PSD2: variants seen among roughly 807,000 people sequenced by gnomAD.
The protein encoded by PSD2 is PH and SEC7 domain-containing protein 2.
PSD2 carries 38 observed loss-of-function variants against 69.8 expected under a neutral mutation model. The observed-to-expected ratio is 0.54, with a 90% CI of 0.42 to 0.71. PSD2 has a LOEUF of 0.71. Among genes scored for constraint, PSD2 ranks in the 30% least tolerant of loss-of-function variants. The pLI is 0.00. For synonymous variants in PSD2, 412 were observed against 423.0 expected, an observed-to-expected ratio of 0.97 and a Z score of 0.32; for missense variants, 943 against 1,014.5, an observed-to-expected ratio of 0.93 and a Z score of 0.96.
intron 2 of PSD2, among the ~76,000 whole-genome samples, chr5:139,812,647 T>C (rs766749203): frequency 2.0e-5 from 3 of 152,166 alleles, no homozygotes; most frequent in Non-Finnish European, 4.4e-5. Context: ...GCCAGTGTGC[T>C]GTGGGCCTGC....
chr5:139,823,971 T>A (rs779506729), intron 7 of PSD2, among the ~76,000 whole-genome samples: 3 of 152,194 alleles, frequency 2.0e-5, no homozygotes, highest in African/African-American at 7.2e-5. Flanking sequence ...CGACAGCTTT[T>A]GCCAAGTCCA....
At chr5:139,835,552 C>A (rs1760694737) in intron 8 of PSD2, among the ~76,000 whole-genome samples, 171 bp from the exon 9 acceptor site, 1 of 152,222 alleles carries the variant, frequency 6.6e-6, no homozygotes, top group Admixed American at 6.5e-5. Context: ...CCCATCCGTA[C>A]ATCCACCCAC....
At chr5:139,823,067 C>T (rs1760314099) in intron 7 of PSD2, among the ~76,000 whole-genome samples, 2 of 152,130 alleles carry the variant, frequency 1.3e-5, no homozygotes, top group South Asian at 4.1e-4. Flanking sequence ...GATCATGTGC[C>T]CTTTGTGCCC....
chr5:139,795,386 C>G (rs560083184), upstream of PSD2, among the ~76,000 whole-genome samples: 13 of 152,156 alleles, frequency 8.5e-5, no homozygotes, highest in South Asian at 2.5e-3. This position sits in a 1 kb window ranked among gnomAD's most constrained non-coding sequence, Gnocchi z 4.5. Flanking sequence ...CTGAACAGAC[C>G]GCGGGAGGAG....
At position 139,833,707 on chromosome 5, in the gene PSD2, T is replaced by A. The variant is rs1473386827; in HGVS notation, c.1275T>A (p.Ile425=). The change falls in exon 8 of 15, where the codon ATT becomes ATA. Residue 425 remains isoleucine (I), a synonymous_variant. Coordinates refer to ENST00000274710, the MANE Select transcript of PSD2 (RefSeq NM_032289.4). ...LLNTDLHGHN[I]GKKMSCQQFI... is the part of the protein sequence containing the mutation. ...GAACCATTTCTCCATTACAGAACAT[T>A]GGCAAAAAGATGTCCTGTCAGCAAT... The A allele has an allele frequency of 6.2e-7, 1 of 1,613,188 alleles. No homozygotes were observed. Among genetic ancestry groups the A allele is most frequent in the Non-Finnish European group, 8.5e-7 (1 of 1,179,140 alleles).
At chr5:139,805,050 A>ATG (rs112995575) in intron 1 of PSD2, among the ~76,000 whole-genome samples, 57 of 151,124 alleles carry the variant, frequency 3.8e-4, no homozygotes, top group African/African-American at 1.3e-3. Context: ...GTGTGTGCGC[A>ATG]TGTGTGTGTG....
intron 7 of PSD2, among the ~76,000 whole-genome samples, chr5:139,830,345 CTTTTTTTT>C (rs755605094): frequency 8.6e-6 from 1 of 116,578 alleles, no homozygotes; most frequent in Non-Finnish European, 1.8e-5. Context: ...TGATAGTGTT[CTTTTTTTT>C]TTTTTTTTTT....
At chr5:139,799,401 G>A (rs1283182657) in intron 1 of PSD2, among the ~76,000 whole-genome samples, 1 of 152,220 alleles carries the variant, frequency 6.6e-6, no homozygotes, top group Non-Finnish European at 1.5e-5. Context: ...CTGTTGGTGG[G>A]GGAGAGGGGA....
chr5:139,793,577 C>T (rs1399836640), upstream of PSD2, among the ~76,000 whole-genome samples: 3 of 152,272 alleles, frequency 2.0e-5, no homozygotes, highest in Non-Finnish European at 4.4e-5. Flanking sequence ...GCCAGCCCAG[C>T]GCAAGTTAGC....
At position 139,838,734 on chromosome 5, in the gene PSD2, C is replaced by A; in HGVS notation, c.1930C>A (p.Arg644=). The change falls in exon 13 of 15, where the codon CGG becomes AGG. Residue 644 remains arginine, a synonymous_variant. Transcript: ENST00000274710. The stretch of plus-strand genomic sequence containing the variant: ...TGTCAGCTCCATGAAGAAGTTCTGT[C>A]GGCCCCTGCTGCCCTCCTGCACCAC... The part of the protein sequence containing the change: ...AAVSSMKKFC[R]PLLPSCTTRL... 1 of 1,613,744 alleles carries A rather than the reference C, an allele frequency of 6.2e-7. No individual in the cohort carries two copies. Among genetic ancestry groups the A allele is most frequent in the Non-Finnish European group, 8.5e-7 (1 of 1,179,928 alleles).
the PSD2 span, among the ~76,000 whole-genome samples, chr5:139,771,328 A>G: frequency 6.6e-6 from 1 of 152,168 alleles, no homozygotes; most frequent in Non-Finnish European, 1.5e-5. Flanking sequence ...TAAGGCCCTG[A>G]ATAGCCTGAG....
At chr5:139,765,393 G>A in the PSD2 span, among the ~76,000 whole-genome samples, 2 of 151,986 alleles carry the variant, frequency 1.3e-5, no homozygotes, top group African/African-American at 4.8e-5. Flanking sequence ...GTACCTGCCC[G>A]GTGGCCCCCA....
In PSD2 at chr5:139,813,561, C is replaced by CA; in HGVS notation, c.625dup (p.Met209AsnfsTer7). 1 of 1,612,132 alleles carries CA rather than the reference C, an allele frequency of 6.2e-7. No homozygotes were observed. The highest frequency in any genetic ancestry group is 8.5e-7 in the Non-Finnish European group (1 of 1,178,450). On this transcript the variant is annotated frameshift_variant, in exon 3 of 15. Coordinates refer to ENST00000274710, the MANE Select transcript of PSD2 (RefSeq NM_032289.4). LOFTEE classifies it high-confidence loss of function. ...TTGGGGACATGGCGTTTGAGGGGGA[C>CA]ATGGGGGCAGCTGGTGGTGATGGGG...
At chr5:139,836,006 A>G (rs1307712070) in intron 9 of PSD2, among the ~76,000 whole-genome samples, 1 of 152,242 alleles carries the variant, frequency 6.6e-6, no homozygotes, top group Admixed American at 6.5e-5. Context: ...CTGTGACTTT[A>G]GTTCTATGAT....
intron 9 of PSD2, among the ~76,000 whole-genome samples, chr5:139,836,197 C>T (rs1349987276): frequency 6.6e-6 from 1 of 152,168 alleles, no homozygotes; most frequent in Non-Finnish European, 1.5e-5. Context: ...AACTTCTTCC[C>T]CTGCAAAGGC....
intron 7 of PSD2, among the ~76,000 whole-genome samples, chr5:139,829,697 T>A (rs147210348): frequency 6.6e-6 from 1 of 152,274 alleles, no homozygotes; most frequent in South Asian, 2.1e-4. Flanking sequence ...AATATTCCAT[T>A]GTATGGATAT....
At chr5:139,772,047 T>C in the PSD2 span, among the ~76,000 whole-genome samples, 234 of 152,042 alleles carry the variant, frequency 1.5e-3, 1 homozygote, top group African/African-American at 4.3e-3. Context: ...TAGGGGACAA[T>C]GAGAGGAGGA....
chr5:139,838,345 A>G lies in PSD2; in HGVS notation c.1824-283A>G, dbSNP rs910916196. 5.3e-5 allele frequency among the ~76,000 whole-genome samples: 8 copies of G among 151,662 alleles called. No homozygotes were observed. The East Asian group carries it at 1.6e-3, about 30-fold the overall frequency. On this transcript the variant is annotated intron_variant, in intron 12 of 14. Coordinates refer to ENST00000274710, the MANE Select transcript of PSD2 (RefSeq NM_032289.4). Reference sequence around the variant, plus strand: ...CTCTGATGATCCCCAGTCCACAGTCACTCCCACCTATTCACTCCAGGGCCA... The same window carrying G: ...CTCTGATGATCCCCAGTCCACAGTCGCTCCCACCTATTCACTCCAGGGCCA...
In PSD2 at chr5:139,837,745, A is replaced by C. The variant is rs202141109; in HGVS notation, c.1786A>C (p.Lys596Gln). 3 of 1,613,674 alleles carry C rather than the reference A, an allele frequency of 1.9e-6. No homozygotes were observed. The African/African-American group carries it at 4.0e-5, about 22-fold the overall frequency. Residue 596 changes from lysine (K) to glutamine (Q), a missense_variant, in exon 12 of 15, where the codon AAG becomes CAG. Physicochemically the swap from Lys to Gln is moderately conservative, Grantham distance 53 (BLOSUM62 1). Around this residue, in one of 3 missense-constraint regions of PSD2, gnomAD observed 312 missense variants for 400.7 expected, o/e 0.78. Transcript: ENST00000274710. This position sits in a 1 kb window ranked among gnomAD's most constrained non-coding sequence, Gnocchi z 5.0. ...YSKKSNVLKL[K>Q]TADWRVFLFQ... Reference sequence around the variant, plus strand: ...CAAGAAGTCCAACGTGCTGAAGCTTAAGACAGCCGACTGGAGGGTATTCCT... The same window carrying C: ...CAAGAAGTCCAACGTGCTGAAGCTTCAGACAGCCGACTGGAGGGTATTCCT...
Sources: gnomAD v4.1 joint callset for allele counts (sites outside exome capture counted in the v4.1 genomes callset) on GRCh38, gnomAD v4.1.1 for gene constraint, gnomAD v4.1.1 regional missense constraint, Gnocchi (gnomAD v3.1) non-coding constraint, MANE v1.5 for transcripts, NCBI Gene and HGNC (gene_info 2026-07-23, HGNC 2026-07-21) for gene names.